The following GRAMD1B variants were observed in gnomAD, a reference collection of about 807,000 sequenced individuals.
GRAMD1B encodes GRAM domain containing 1B.
In GRAMD1B, 37 loss-of-function variants were observed where a neutral mutation model predicts 99.7. The ratio of observed to expected loss-of-function variants is 0.37; its 90% CI spans 0.29 to 0.49. The LOEUF is 0.49. GRAMD1B is among the 20% of genes least tolerant of loss of function. The pLI, the probability that GRAMD1B is intolerant of heterozygous loss-of-function variation, is 0.98. For missense variants in GRAMD1B, 888 were observed against 1,009.2 expected (o/e 0.88, Z 1.63); for synonymous variants, 427 against 387.6 (o/e 1.10, Z -1.19).
chr11:123,526,270 C>A, intron 2 of GRAMD1B: 1 of 1,011,632 alleles, frequency 9.9e-7, no homozygotes, highest in Admixed American at 2.0e-5. Flanking sequence ...GATGCCATCT[C>A]ACCAGGCATC....
chr11:123,430,367 C>A lies in GRAMD1B; in HGVS notation c.-426C>A. 1 of 181,464 alleles carries A rather than the reference C, an allele frequency of 5.5e-6. No homozygotes were observed. Among genetic ancestry groups the A allele is most frequent in the Non-Finnish European group, 1.1e-5 (1 of 88,722 alleles). The allele number at this position is 181,464 out of a possible 1,614,324, so 11.2% of individuals were successfully genotyped here. On this transcript the variant is annotated 5_prime_UTR_variant, in exon 1 of 20. It adds an upstream start codon to the 5' untranslated region. Transcript: ENST00000635736. ...CGCCAAGCCGGCTCCCCAACCTGGT[C>A]TGCTGAACGCAAACCGCTGAGAGTT...
chr11:123,471,122 AC>A (rs1950995944), intron 1 of GRAMD1B, among the ~76,000 whole-genome samples: 1 of 152,336 alleles, frequency 6.6e-6, no homozygotes, highest in South Asian at 2.1e-4. Context: ...ATAAGATCTC[AC>A]AAAGAGATGA....
chr11:123,594,247 G>A, intron 5 of GRAMD1B, 81 bp downstream of exon 5: 1 of 938,146 alleles, frequency 1.1e-6, no homozygotes, highest in Non-Finnish European at 1.8e-6. Context: ...TCTCTCTAGA[G>A]GCCTCAAGCC....
intron 1 of GRAMD1B, among the ~76,000 whole-genome samples, chr11:123,475,926 A>G (rs564231241): frequency 6.6e-6 from 1 of 152,280 alleles, no homozygotes; most frequent in South Asian, 2.1e-4. Flanking sequence ...TTTAGGGAGC[A>G]GCGTGAGTTG....
At chr11:123,607,961 G>A (rs1019758869) in intron 11 of GRAMD1B, 3 of 154,158 alleles carry the variant, frequency 1.9e-5, no homozygotes, top group Non-Finnish European at 4.3e-5. Flanking sequence ...TGCCAGAAGG[G>A]CTTTGCATCC....
At chr11:123,467,483 C>T (rs974785475) in intron 1 of GRAMD1B, among the ~76,000 whole-genome samples, 1 of 141,324 alleles carries the variant, frequency 7.1e-6, no homozygotes, top group Non-Finnish European at 1.5e-5. Context: ...CTCATGGAGG[C>T]GCTGTCAGGC....
intron 2 of GRAMD1B, among the ~76,000 whole-genome samples, chr11:123,571,934 G>A (rs1948149266): frequency 6.6e-6 from 1 of 152,068 alleles, no homozygotes. Flanking sequence ...AGCATTTCTT[G>A]TTTTCCTTTA....
intron 2 of GRAMD1B, among the ~76,000 whole-genome samples, chr11:123,536,542 G>A (rs1943978396): frequency 6.6e-6 from 1 of 152,152 alleles, no homozygotes; most frequent in South Asian, 2.1e-4. Context: ...TTGGGATGGG[G>A]CCTGGCACGT....
At chr11:123,399,612 T>G (rs367725354) in intron 1 of GRAMD1B, among the ~76,000 whole-genome samples, 5 of 151,842 alleles carry the variant, frequency 3.3e-5, no homozygotes, top group African/African-American at 1.2e-4. Context: ...CCTTTTGTAT[T>G]TATTTATTTA....
At chr11:123,583,346 CG>C (rs1949652198) in intron 3 of GRAMD1B, among the ~76,000 whole-genome samples, 1 of 129,036 alleles carries the variant, frequency 7.7e-6, no homozygotes, top group African/African-American at 3.0e-5. Context: ...GTGGTGTGCA[CG>C]TGTGCATGTG....
chr11:123,463,955 A>G (rs1950548909), intron 1 of GRAMD1B, among the ~76,000 whole-genome samples: 3 of 152,134 alleles, frequency 2.0e-5, no homozygotes, highest in South Asian at 2.1e-4. Flanking sequence ...ACTGTATTCT[A>G]TGACATTATA....
At chr11:123,527,487 C>T (rs986488061) in intron 2 of GRAMD1B, among the ~76,000 whole-genome samples, 26 of 152,146 alleles carry the variant, frequency 1.7e-4, no homozygotes, top group African/African-American at 6.3e-4. Context: ...AGTTATCCCC[C>T]AGCCGGGAGT....
chr11:123,490,166 G>A (rs1475845759), intron 2 of GRAMD1B, among the ~76,000 whole-genome samples: 2 of 152,220 alleles, frequency 1.3e-5, no homozygotes, highest in Admixed American at 1.3e-4. Context: ...TTGGATGGGT[G>A]TCTTAAAGGA....
intron 4 of GRAMD1B, among the ~76,000 whole-genome samples, chr11:123,590,103 A>G (rs751855100): frequency 1.1e-4 from 16 of 152,114 alleles, no homozygotes; most frequent in Non-Finnish European, 1.5e-4. Context: ...TGCTTTTAGT[A>G]TTGCTACTTT....
intron 1 of GRAMD1B, among the ~76,000 whole-genome samples, chr11:123,365,557 T>C (rs985036904): frequency 6.6e-6 from 1 of 152,242 alleles, no homozygotes; most frequent in African/African-American, 2.4e-5. Context: ...TGGCCTACCC[T>C]ACATTTTCAA....
At chr11:123,560,532 G>T in intron 2 of GRAMD1B, 1 of 1,251,402 alleles carries the variant, frequency 8.0e-7, no homozygotes, top group South Asian at 1.3e-5. Flanking sequence ...ATGGAGGTGA[G>T]TGCCCTCCAG....
intron 8 of GRAMD1B, among the ~76,000 whole-genome samples, chr11:123,601,850 C>A (rs1952022724): frequency 6.6e-6 from 1 of 152,206 alleles, no homozygotes; most frequent in African/African-American, 2.4e-5. Flanking sequence ...CAAATGCCCT[C>A]ACAAATAATT....
At chr11:123,404,619 C>A (rs1046917792) in intron 1 of GRAMD1B, among the ~76,000 whole-genome samples, 5 of 152,230 alleles carry the variant, frequency 3.3e-5, no homozygotes, top group Admixed American at 1.3e-4. Context: ...TACTCTTCTG[C>A]CTCCCAACTT....
At chr11:123,380,336 T>C (rs1946830704) in intron 1 of GRAMD1B, among the ~76,000 whole-genome samples, 1 of 152,224 alleles carries the variant, frequency 6.6e-6, no homozygotes, top group African/African-American at 2.4e-5. Flanking sequence ...TCATGGTCTA[T>C]TTTTAAAAAG....
Sources: gnomAD v4.1 joint callset for allele counts (sites outside exome capture counted in the v4.1 genomes callset) on GRCh38, gnomAD v4.1.1 for gene constraint, MANE v1.5 for transcripts, NCBI Gene and HGNC (gene_info 2026-07-23, HGNC 2026-07-21) for gene names.